Variants in MAP4K5 observed in about 807,000 individuals in gnomAD.
MAP4K5 encodes the protein MAPK/ERK kinase kinase kinase 5.
A neutral mutation model predicts 135.6 loss-of-function variants in MAP4K5; 82 were observed. The observed-to-expected ratio is 0.60, with a 90% CI of 0.51 to 0.73. The LOEUF (loss-of-function observed/expected upper bound fraction) is 0.73. Ranked by LOEUF, MAP4K5 falls within the 30% of genes least tolerant of loss-of-function variation. The probability of loss-of-function intolerance (pLI) is 0.00; values close to 1 mark genes in which losing one functional copy is unlikely to be tolerated. For synonymous variants in MAP4K5, 347 were observed against 335.0 expected (o/e 1.04, Z -0.39); for missense variants, 907 against 1,010.9 (o/e 0.90, Z 1.39).
intron 3 of MAP4K5, among the ~76,000 whole-genome samples, chr14:50,496,822 A>C (rs1410288786): frequency 6.7e-6 from 1 of 150,258 alleles, no homozygotes; most frequent in Non-Finnish European, 1.5e-5. Context: ...CCAAAAAAAT[A>C]AAAATAAAAA....
At position 50,438,113 on chromosome 14, in the gene MAP4K5, A is replaced by G; in HGVS notation, c.1706-19T>C. 1.3e-6 allele frequency: 1 copy of G among 769,124 alleles called. No homozygotes were observed. Among genetic ancestry groups the G allele is most frequent in the Non-Finnish European group, 2.3e-6 (1 of 426,112 alleles). The allele number at this position is 769,124 out of a possible 1,614,324, so 47.6% of individuals were successfully genotyped here. A position where few individuals can be genotyped will look rare whatever the true frequency, so the allele number is the denominator to read the frequency against. On this transcript the variant is annotated intron_variant, in intron 23 of 32. Coordinates refer to ENST00000682126, the MANE Select transcript of MAP4K5 (RefSeq NM_006575.6). ...TTACCTTCTAAAACGAGAGTCCAGT[A>G]ATGTTCAAAAAGCCAAGCAAAATAG...
Position 50,448,828 on chromosome 14 carries a change from G to A in MAP4K5, c.1020C>T (p.Asp340=). 6.6e-7 allele frequency: 1 copy of A among 1,512,778 alleles called. No individual in the cohort carries two copies. Among genetic ancestry groups the A allele is most frequent in the Non-Finnish European group, 9.0e-7 (1 of 1,110,156 alleles). The allele number at this position is 1,512,778 out of a possible 1,614,324, so 93.7% of individuals were successfully genotyped here. A position where few individuals can be genotyped will look rare whatever the true frequency, so the allele number is the denominator to read the frequency against. Residue 340 remains aspartate, a synonymous_variant, in exon 15 of 33, where the codon GAC becomes GAT. Coordinates refer to ENST00000682126, the MANE Select transcript of MAP4K5 (RefSeq NM_006575.6). The part of the protein sequence containing the change: ...AERTASEINF[D]KLQFEPPLRK... ...TCAGAGGAGGTTCAAATTGTAATTT[G>A]TCAACTGCAAAATATATAACAGGTA...
At chr14:50,531,907 G>A in intron 2 of MAP4K5, 35 bp downstream of exon 2, 1 of 1,418,868 alleles carries the variant, frequency 7.0e-7, no homozygotes, top group Non-Finnish European at 9.8e-7. Context: ...GGACCCAGTC[G>A]ACCGCAGGAA....
At chr14:50,479,944 T>C (rs946368478) in intron 6 of MAP4K5, among the ~76,000 whole-genome samples, 1 of 152,188 alleles carries the variant, frequency 6.6e-6, no homozygotes, top group African/African-American at 2.4e-5. Context: ...TTGTTTCCTA[T>C]TTTTCAGGCC....
intron 31 of MAP4K5, among the ~76,000 whole-genome samples, chr14:50,425,199 T>C (rs996329301): frequency 2.0e-5 from 3 of 152,290 alleles, no homozygotes; most frequent in East Asian, 3.9e-4. Context: ...ATTCCTCAAA[T>C]TGGAGGCCCA....
At chr14:50,493,015 C>G (rs2037516947) in intron 3 of MAP4K5, among the ~76,000 whole-genome samples, 1 of 148,464 alleles carries the variant, frequency 6.7e-6, no homozygotes, top group African/African-American at 2.5e-5. Context: ...GCCTGAGACT[C>G]TGTCTCAAAA....
chr14:50,420,022 G>C lies in MAP4K5; in HGVS notation c.2538C>G (p.Tyr846Ter). ...ATTTGAGATCAGTTTCTGTTGCTTA[G>C]TAACTATTTTCATGTCCAGCCAAGA... ...LYILAGHENS[Y>*] is the part of the protein sequence containing the mutation. The change falls in exon 33 of 33, where the codon TAC becomes TAG. Residue 846 changes from tyrosine to a stop codon, truncating the protein, a stop_gained. Transcript: ENST00000682126. LOFTEE classifies it high-confidence loss of function. 6.2e-7 allele frequency: 1 copy of C among 1,601,122 alleles called. No homozygotes were observed. Among genetic ancestry groups the C allele is most frequent in the Non-Finnish European group, 8.5e-7 (1 of 1,171,442 alleles).
At chr14:50,463,538 A>G (rs1332932065) in intron 12 of MAP4K5, among the ~76,000 whole-genome samples, 2 of 152,174 alleles carry the variant, frequency 1.3e-5, no homozygotes, top group Non-Finnish European at 2.9e-5. Context: ...TAGTTGTGGC[A>G]GAGGCTGTAT....
In MAP4K5 at chr14:50,438,019, A is replaced by G. The variant is rs372475321; in HGVS notation, c.1709-11T>C. 2.8e-4 allele frequency: 391 copies of G among 1,377,070 alleles called. No individual in the cohort carries two copies. The highest frequency in any genetic ancestry group is 3.9e-4 in the Non-Finnish European group (372 of 965,942). The allele number at this position is 1,377,070 out of a possible 1,614,324, so 85.3% of individuals were successfully genotyped here. A position where few individuals can be genotyped will look rare whatever the true frequency, so the allele number is the denominator to read the frequency against. On this transcript the variant is annotated splice_polypyrimidine_tract_variant and intron_variant, in intron 24 of 32. Transcript: ENST00000682126. ...GCTGAAAGGTTTTTCCTATAAAAGA[A>G]AAACATGTTACCTTTTTGAGAATCA...
chr14:50,438,017 GA>G lies in MAP4K5; in HGVS notation c.1709-10del. 1 of 1,408,260 alleles carries G rather than the reference GA, an allele frequency of 7.1e-7. No homozygotes were observed. Among genetic ancestry groups the G allele is most frequent in the Non-Finnish European group, 1.0e-6 (1 of 994,790 alleles). The allele number at this position is 1,408,260 out of a possible 1,614,324, so 87.2% of individuals were successfully genotyped here. A position where few individuals can be genotyped will look rare whatever the true frequency, so the allele number is the denominator to read the frequency against. ...GAGCTGAAAGGTTTTTCCTATAAAA[GA>G]AAAACATGTTACCTTTTTGAGAATC... On this transcript the variant is annotated splice_polypyrimidine_tract_variant and intron_variant, in intron 24 of 32. Coordinates refer to ENST00000682126, the MANE Select transcript of MAP4K5 (RefSeq NM_006575.6).
chr14:50,486,390 T>A (rs2037364257), intron 3 of MAP4K5, among the ~76,000 whole-genome samples, 196 bp from the exon 4 acceptor site: 2 of 152,170 alleles, frequency 1.3e-5, no homozygotes, highest in South Asian at 4.1e-4. Flanking sequence ...CCCACAATTT[T>A]ACTTACAAAT....
chr14:50,553,668 A>T (rs1289662164), intron 1 of MAP4K5, among the ~76,000 whole-genome samples: 1 of 152,238 alleles, frequency 6.6e-6, no homozygotes. Flanking sequence ...TTGTAGCAGC[A>T]CAATTCACAA....
At position 50,519,491 on chromosome 14, in the gene MAP4K5, T is replaced by TA. The variant is rs773633045; in HGVS notation, c.108+12450dup. 1.1e-4 allele frequency among the ~76,000 whole-genome samples: 17 copies of TA among 151,770 alleles called. No individual in the cohort carries two copies. In the East Asian group the frequency reaches 3.1e-3, roughly 28 times the overall value. ...CCAACACGGTGAAACCCTGTCTCTA[T>TA]AAAAATACAAAAATTAGTCAAGTGT... On this transcript the variant is annotated intron_variant, in intron 2 of 32. Coordinates refer to ENST00000682126, the MANE Select transcript of MAP4K5 (RefSeq NM_006575.6).
intron 9 of MAP4K5, among the ~76,000 whole-genome samples, chr14:50,473,107 C>G (rs2037004396): frequency 6.6e-6 from 1 of 151,978 alleles, no homozygotes; most frequent in South Asian, 2.1e-4. Flanking sequence ...CTTTATATGT[C>G]TAAAAGGTTG....
intron 2 of MAP4K5, among the ~76,000 whole-genome samples, chr14:50,538,189 G>A (rs1484163066): frequency 2.6e-5 from 4 of 152,154 alleles, no homozygotes; most frequent in African/African-American, 9.7e-5. Flanking sequence ...GTTTTAAAAA[G>A]GGGTGTTCCC....
At position 50,445,080 on chromosome 14, in the gene MAP4K5, T is replaced by C; in HGVS notation, c.1300A>G (p.Ser434Gly). 7 of 1,613,744 alleles carry C rather than the reference T, an allele frequency of 4.3e-6. No individual in the cohort carries two copies. Among genetic ancestry groups the C allele is most frequent in the Non-Finnish European group, 5.1e-6 (6 of 1,179,716 alleles). The change falls in exon 18 of 33, where the codon AGC (serine) becomes GGC (glycine). Residue 434 changes from serine (S) to glycine (G), a missense_variant. Physicochemically the swap from Ser to Gly is moderately conservative, Grantham distance 56. Transcript: ENST00000682126. Reference protein sequence around the residue: ...RAPQILRRQSSPSCGPVAETS... With the variant: ...RAPQILRRQSGPSCGPVAETS... ...TCTGCCACAGGCCCACAACTTGGGC[T>C]ACTCTGTCTTCTGAGAATTTGGGGA...
intron 13 of MAP4K5, among the ~76,000 whole-genome samples, chr14:50,458,741 T>G (rs1240643456): frequency 6.6e-6 from 1 of 152,198 alleles, no homozygotes; most frequent in Non-Finnish European, 1.5e-5. Flanking sequence ...TCGATCACAT[T>G]TACTCCTAAG....
At chr14:50,443,806 C>A (rs1275761800) in intron 19 of MAP4K5, 36 bp from the exon 20 acceptor site, 1 of 1,568,748 alleles carries the variant, frequency 6.4e-7, no homozygotes. Context: ...TGTAAGACCT[C>A]CTAAGTCTTA....
At chr14:50,461,180 C>G (rs2036703941) in intron 13 of MAP4K5, among the ~76,000 whole-genome samples, 1 of 152,046 alleles carries the variant, frequency 6.6e-6, no homozygotes, top group Non-Finnish European at 1.5e-5. Flanking sequence ...CGCCTGCCAT[C>G]ACATCCAGCT....
Sources: allele counts gnomAD v4.1 joint callset (sites outside exome capture counted in the v4.1 genomes callset), GRCh38; gene constraint gnomAD v4.1.1; transcripts MANE v1.5; gene names NCBI Gene and HGNC (gene_info 2026-07-23, HGNC 2026-07-21).